MAMLD1: variants seen among roughly 807,000 people sequenced by gnomAD.
MAMLD1 encodes the protein mastermind-like domain-containing protein 1.
A neutral mutation model predicts 45.0 loss-of-function variants in MAMLD1; 14 were observed. The observed-to-expected ratio is 0.31, with a 90% CI of 0.21 to 0.49. The LOEUF is 0.49. Ranked by LOEUF, MAMLD1 falls within the 20% of genes least tolerant of loss-of-function variation. The pLI, the probability that MAMLD1 is intolerant of heterozygous loss-of-function variation, is 0.99. For missense variants in MAMLD1, 543 were observed against 603.6 expected (o/e 0.90, Z 1.05); for synonymous variants, 254 against 247.8 (o/e 1.02, Z -0.24).
chrX:150,471,055 G>T lies in MAMLD1; in HGVS notation c.1482G>T (p.Gln494His), dbSNP rs374561693. 1.7e-6 allele frequency: 2 copies of T among 1,161,124 alleles called. No homozygotes were observed. The highest frequency in any genetic ancestry group is 2.3e-6 in the Non-Finnish European group (2 of 859,568). Residue 494 changes from glutamine (Q) to histidine (H), a missense_variant, in exon 4 of 8, where the codon CAG (glutamine) becomes CAT (histidine). Coordinates refer to ENST00000370401, the MANE Select transcript of MAMLD1 (RefSeq NM_005491.5). The stretch of plus-strand genomic sequence containing the variant: ...CCAGTAATCTTCTAAGCCAGCAACA[G>T]CAGCAGCAGCAGCAGCAGCAGCAAG... ...TPTSNLLSQQ[Q>H]QQQQQQQQAN...
rs1316768178 is a variant in MAMLD1 at position 150,384,303 on chromosome X, G to C, written c.-64+20773G>C. 2.7e-5 allele frequency among the ~76,000 whole-genome samples: 3 copies of C among 111,873 alleles called. No individual in the cohort carries two copies. The East Asian group carries it at 8.4e-4, about 31-fold the overall frequency. Reference sequence around the variant, plus strand: ...AATTTCTGTCTTTTTTATTATGGCTGTTCTAGTGAGCATAAAGTGGTATTT... The same window carrying C: ...AATTTCTGTCTTTTTTATTATGGCTCTTCTAGTGAGCATAAAGTGGTATTT... On this transcript the variant is annotated intron_variant, in intron 1 of 7. Coordinates refer to ENST00000370401, the MANE Select transcript of MAMLD1 (RefSeq NM_005491.5).
chrX:150,506,558 G>A (rs189841939), intron 6 of MAMLD1, among the ~76,000 whole-genome samples: 4 of 111,973 alleles, frequency 3.6e-5, no homozygotes, highest in East Asian at 5.6e-4. Flanking sequence ...GCCCGAATCC[G>A]GCTAAAATCC....
At chrX:150,486,605 C>T (rs782426771) in intron 5 of MAMLD1, among the ~76,000 whole-genome samples, 14 of 111,359 alleles carry the variant, frequency 1.3e-4, no homozygotes, top group Non-Finnish European at 2.3e-4. Flanking sequence ...TTCCTTCCCA[C>T]GCATACACCT....
chrX:150,461,177 C>T (rs185763987), intron 2 of MAMLD1, among the ~76,000 whole-genome samples: 120 of 113,372 alleles, frequency 1.1e-3, no homozygotes, highest in African/African-American at 3.6e-3. Flanking sequence ...AGCTGCCCTC[C>T]TTCTCCCTGG....
intron 5 of MAMLD1, among the ~76,000 whole-genome samples, chrX:150,494,499 T>C (rs1336776130): frequency 8.9e-6 from 1 of 112,714 alleles, no homozygotes; most frequent in Non-Finnish European, 1.9e-5. Flanking sequence ...TCATGTGACC[T>C]TCCTGATCCA....
intron 5 of MAMLD1, 23 bp downstream of exon 5, chrX:150,473,825 G>A (rs1410222064): frequency 1.7e-6 from 2 of 1,203,951 alleles, no homozygotes; most frequent in South Asian, 1.8e-5. Flanking sequence ...GTTTTGTTTT[G>A]TCTTCAATTG....
chrX:150,437,571 AT>A (rs2035162285), intron 1 of MAMLD1, among the ~76,000 whole-genome samples: 1 of 111,665 alleles, frequency 9.0e-6, no homozygotes, highest in Non-Finnish European at 1.9e-5. Flanking sequence ...GGTTTTTATC[AT>A]GAATAAGTGT....
rs192763700 is a variant in MAMLD1 at position 150,423,005 on chromosome X, C to T, written c.-63-22449C>T. Among the ~76,000 whole-genome samples the T allele has an allele frequency of 1.1e-3, 121 of 111,598 alleles. 1 individual carries two copies. Among genetic ancestry groups the T allele is most frequent in the Non-Finnish European group, 1.7e-3 (92 of 53,090 alleles). ...TCAGCCCCATTTTGTAGATCAGGAACCTGAGACTCAAAGAGGTCAAATGAC... is the reference window on the plus strand; with the variant it reads ...TCAGCCCCATTTTGTAGATCAGGAATCTGAGACTCAAAGAGGTCAAATGAC... On this transcript the variant is annotated intron_variant, in intron 1 of 7. Transcript: ENST00000370401.
intron 1 of MAMLD1, among the ~76,000 whole-genome samples, chrX:150,424,945 T>C (rs1403580931): frequency 1.8e-5 from 2 of 112,219 alleles, no homozygotes; most frequent in Admixed American, 1.9e-4. Context: ...TTTCAGCCTC[T>C]ATGGACTTGC....
intron 1 of MAMLD1, among the ~76,000 whole-genome samples, chrX:150,378,710 T>G (rs1412783847): frequency 8.9e-6 from 1 of 112,258 alleles, no homozygotes; most frequent in Middle Eastern, 4.2e-3. Flanking sequence ...GGTTGACTTG[T>G]GCATTTTTAC....
intron 1 of MAMLD1, among the ~76,000 whole-genome samples, chrX:150,440,988 A>C (rs1341710283): frequency 9.5e-6 from 1 of 104,926 alleles, no homozygotes; most frequent in Non-Finnish European, 1.9e-5. Context: ...AAATAATATA[A>C]TATAATATTT....
At chrX:150,463,837 G>A (rs1392834143) in intron 3 of MAMLD1, among the ~76,000 whole-genome samples, 1 of 111,130 alleles carries the variant, frequency 9.0e-6, no homozygotes, top group Non-Finnish European at 1.9e-5. Context: ...AGCATCCCTG[G>A]CTGTCAGGTC....
intron 1 of MAMLD1, among the ~76,000 whole-genome samples, chrX:150,390,671 A>C (rs1415186824): frequency 4.5e-5 from 5 of 112,280 alleles, no homozygotes; most frequent in Non-Finnish European, 7.5e-5. Context: ...TGGCATTATA[A>C]CTTTTGCTTC....
At chrX:150,388,019 T>C (rs1170477801) in intron 1 of MAMLD1, among the ~76,000 whole-genome samples, 3 of 112,228 alleles carry the variant, frequency 2.7e-5, no homozygotes, top group Non-Finnish European at 3.8e-5. Context: ...TGTCTTGTTT[T>C]GGTATCAGAG....
chrX:150,427,714 C>T (rs2034761512), intron 1 of MAMLD1, among the ~76,000 whole-genome samples: 1 of 111,996 alleles, frequency 8.9e-6, no homozygotes, highest in Admixed American at 9.5e-5. Context: ...ATGCAGCTCA[C>T]CTTTGGACGT....
chrX:150,390,364 G>A (rs1433877256), intron 1 of MAMLD1, among the ~76,000 whole-genome samples: 1 of 111,962 alleles, frequency 8.9e-6, no homozygotes, highest in Non-Finnish European at 1.9e-5. Context: ...TGCTTCCTCT[G>A]GTTCTTGTCC....
intron 1 of MAMLD1, among the ~76,000 whole-genome samples, chrX:150,398,713 C>T (rs1557402343): frequency 3.6e-5 from 4 of 111,790 alleles, no homozygotes; most frequent in Non-Finnish European, 7.5e-5. Context: ...CTACCTCCTC[C>T]GTGAACTCTC....
chrX:150,370,098 G>C (rs1334151241), intron 1 of MAMLD1, among the ~76,000 whole-genome samples: 2 of 109,089 alleles, frequency 1.8e-5, no homozygotes, highest in Non-Finnish European at 3.8e-5. Context: ...CAGATAGAAT[G>C]CTGAGAGTGT....
chrX:150,402,562 C>T (rs1569564664), intron 1 of MAMLD1, among the ~76,000 whole-genome samples: 1 of 111,970 alleles, frequency 8.9e-6, no homozygotes, highest in Non-Finnish European at 1.9e-5. Context: ...CCCAGCTATC[C>T]CATTACTGGG....
Sources: gnomAD v4.1 joint callset for allele counts (sites outside exome capture counted in the v4.1 genomes callset) on GRCh38, gnomAD v4.1.1 for gene constraint, MANE v1.5 for transcripts, NCBI Gene and HGNC (gene_info 2026-07-23, HGNC 2026-07-21) for gene names.